Variants in DAP3 observed in about 807,000 individuals in gnomAD.
The protein encoded by DAP3 is death associated protein 3, also known as small ribosomal subunit protein mS29.
A neutral mutation model predicts 51.9 loss-of-function variants in DAP3; 28 were observed. The ratio of observed to expected loss-of-function variants is 0.54; its 90% CI spans 0.40 to 0.74. DAP3 has a LOEUF of 0.74. DAP3 is among the 30% of genes least tolerant of loss of function. The pLI, the probability that DAP3 is intolerant of heterozygous loss-of-function variation, is 0.00. For synonymous variants in DAP3, 170 were observed against 170.3 expected, an observed-to-expected ratio of 1.00 and a Z score of 0.01; for missense variants, 458 against 483.5, an observed-to-expected ratio of 0.95 and a Z score of 0.49.
chr1:155,688,819 T>C (rs572593060), upstream of DAP3: 6 of 1,569,066 alleles, frequency 3.8e-6, no homozygotes, highest in African/African-American at 6.8e-5. Flanking sequence ...GCGGGACTGT[T>C]CCATTCCTGG....
intron 7 of DAP3, among the ~76,000 whole-genome samples, chr1:155,728,199 A>C (rs1296024942): frequency 6.6e-6 from 1 of 152,156 alleles, no homozygotes; most frequent in Non-Finnish European, 1.5e-5. Flanking sequence ...CCAGAGTCTC[A>C]TTCTGGACAT....
intron 11 of DAP3, among the ~76,000 whole-genome samples, chr1:155,735,603 T>G (rs1215873867): frequency 1.3e-5 from 2 of 151,740 alleles, no homozygotes; most frequent in African/African-American, 4.8e-5. Context: ...AAAAAAGAAA[T>G]ACAGTTTGAT....
chr1:155,711,487 C>A (rs952834323), intron 2 of DAP3, among the ~76,000 whole-genome samples: 4 of 150,696 alleles, frequency 2.7e-5, no homozygotes, highest in African/African-American at 7.3e-5. Flanking sequence ...AGCGAGACTC[C>A]ATCTCAAAAG....
chr1:155,694,739 G>C (rs1283556464), intron 1 of DAP3, among the ~76,000 whole-genome samples: 1 of 152,112 alleles, frequency 6.6e-6, no homozygotes, highest in Non-Finnish European at 1.5e-5. Context: ...GTTTTCTTCT[G>C]GGGAAATACA....
intron 7 of DAP3, 52 bp from the exon 8 acceptor site, chr1:155,728,990 C>T: frequency 6.3e-7 from 1 of 1,591,958 alleles, no homozygotes. Flanking sequence ...TGGTTTCACC[C>T]TTAGGCCAAG....
intron 1 of DAP3, among the ~76,000 whole-genome samples, chr1:155,703,630 C>T (rs779992821): frequency 1.1e-4 from 16 of 152,178 alleles, no homozygotes; most frequent in Non-Finnish European, 1.8e-4. Context: ...CTCTGCCTCC[C>T]GGGCTCAAGC....
chr1:155,689,735 A>G, intron 1 of DAP3: 1 of 223,082 alleles, frequency 4.5e-6, no homozygotes, highest in Non-Finnish European at 9.2e-6. Flanking sequence ...AACATGGTGA[A>G]ACCCCGTCTC....
At chr1:155,699,712 C>G (rs1654946117) in intron 1 of DAP3, among the ~76,000 whole-genome samples, 1 of 152,030 alleles carries the variant, frequency 6.6e-6, no homozygotes, top group African/African-American at 2.4e-5. Context: ...CTCCCAGGCC[C>G]AGGTGATCCT....
chr1:155,697,147 G>A (rs981949800), intron 1 of DAP3, among the ~76,000 whole-genome samples: 3 of 152,248 alleles, frequency 2.0e-5, no homozygotes, highest in Admixed American at 6.5e-5. Flanking sequence ...GCCACTGTTC[G>A]ACCCAGACAG....
chr1:155,720,324 C>CAAAAAAAAAAAAAAA (rs61252469), intron 3 of DAP3, among the ~76,000 whole-genome samples: 1 of 32,810 alleles, frequency 3.0e-5, no homozygotes, highest in African/African-American at 1.3e-4. Flanking sequence ...GATCTTGTCT[C>CAAAAAAAAAAAAAAA]AAAAAAAAAA....
upstream of DAP3, chr1:155,688,464 T>C (rs199955075): frequency 5.9e-5 from 92 of 1,549,698 alleles, 4 homozygotes; most frequent in South Asian, 7.1e-4. Flanking sequence ...ACTCCGGCCA[T>C]GTAGCGCGCA....
chr1:155,714,512 C>T (rs1657097659), intron 2 of DAP3, among the ~76,000 whole-genome samples: 1 of 152,172 alleles, frequency 6.6e-6, no homozygotes, highest in Non-Finnish European at 1.5e-5. Context: ...CACCCATAAT[C>T]CCAGCACTTT....
chr1:155,688,598 C>T (rs1653085286), upstream of DAP3: 11 of 1,535,826 alleles, frequency 7.2e-6, no homozygotes, highest in Non-Finnish European at 9.6e-6. Flanking sequence ...CCTCCTCGCC[C>T]AGTTCTCCAC....
chr1:155,702,990 A>C (rs566820883), intron 1 of DAP3, among the ~76,000 whole-genome samples: 3 of 152,258 alleles, frequency 2.0e-5, no homozygotes, highest in Admixed American at 2.0e-4. Flanking sequence ...AAAAAGAAAA[A>C]GAAAAATCAG....
chr1:155,729,348 A>G lies in DAP3; in HGVS notation c.825A>G (p.Lys275=), dbSNP rs1557796480. ...INALWGRTTL[K]REDKSPIAPE... ...CTCTTTGGGGAAGAACCACTCTGAAAAGAGAAGATAAAAGCCCGGTAGGAA... is the reference window on the plus strand; with the variant it reads ...CTCTTTGGGGAAGAACCACTCTGAAGAGAGAAGATAAAAGCCCGGTAGGAA... The change falls in exon 9 of 13, where the codon AAA becomes AAG. Residue 275 remains lysine (K), a synonymous_variant. Coordinates refer to ENST00000368336, the MANE Select transcript of DAP3 (RefSeq NM_004632.4). 2 of 1,613,546 alleles carry G rather than the reference A, an allele frequency of 1.2e-6. No individual in the cohort carries two copies. Among genetic ancestry groups the G allele is most frequent in the Admixed American group, 3.3e-5 (2 of 59,732 alleles).
intron 1 of DAP3, among the ~76,000 whole-genome samples, chr1:155,702,390 G>A (rs1655415026): frequency 6.6e-6 from 1 of 151,844 alleles, no homozygotes; most frequent in Non-Finnish European, 1.5e-5. Flanking sequence ...GGAGAGTGGC[G>A]TGAACCCGGG....
chr1:155,688,830 C>A (rs984822275), upstream of DAP3: 10 of 1,576,412 alleles, frequency 6.3e-6, no homozygotes, highest in Admixed American at 5.6e-5. Flanking sequence ...CCATTCCTGG[C>A]GGCTGCAGGG....
At chr1:155,737,687 G>C (rs1659947168) in intron 12 of DAP3, among the ~76,000 whole-genome samples, 1 of 152,072 alleles carries the variant, frequency 6.6e-6, no homozygotes, top group Non-Finnish European at 1.5e-5. Context: ...CACTTTGGGA[G>C]GGCAAGGTGG....
At chr1:155,693,681 G>A (rs1654158365) in intron 1 of DAP3, among the ~76,000 whole-genome samples, 3 of 142,130 alleles carry the variant, frequency 2.1e-5, no homozygotes, top group Admixed American at 6.6e-5. Flanking sequence ...TGCAATCCTG[G>A]CCGGGAGTGG....
Sources: gnomAD v4.1 joint callset for allele counts (sites outside exome capture counted in the v4.1 genomes callset) on GRCh38, gnomAD v4.1.1 for gene constraint, MANE v1.5 for transcripts, NCBI Gene and HGNC (gene_info 2026-07-23, HGNC 2026-07-21) for gene names.